Variants in SLC6A6 observed in about 807,000 individuals in gnomAD.
SLC6A6 encodes the protein solute carrier family 6 member 6.
SLC6A6 carries 16 observed loss-of-function variants against 68.8 expected under a neutral mutation model. That is an observed-to-expected ratio of 0.23 (90% CI 0.16 to 0.35). The LOEUF (loss-of-function observed/expected upper bound fraction) is 0.35. Among genes scored for constraint, SLC6A6 ranks in the 10% least tolerant of loss-of-function variants. The pLI, the probability that SLC6A6 is intolerant of heterozygous loss-of-function variation, is 1.00. For missense variants in SLC6A6, 474 were observed against 802.8 expected (o/e 0.59, Z 4.95); for synonymous variants, 312 against 315.4 (o/e 0.99, Z 0.12).
chr3:14,474,427 A>T (rs1700826502), intron 10 of SLC6A6, among the ~76,000 whole-genome samples: 1 of 152,210 alleles, frequency 6.6e-6, no homozygotes, highest in Non-Finnish European at 1.5e-5. Context: ...CAGTGGCATT[A>T]GTACCTTCAG....
At chr3:14,421,354 G>A (rs769910482) in intron 2 of SLC6A6, among the ~76,000 whole-genome samples, 57 of 152,148 alleles carry the variant, frequency 3.7e-4, no homozygotes, top group Non-Finnish European at 6.3e-4. Flanking sequence ...GCCTGAGTGT[G>A]AATGTCATTC....
At position 14,443,586 on chromosome 3, in the gene SLC6A6, T is replaced by C. The variant is rs1462995736; in HGVS notation, c.-11-38T>C. On this transcript the variant is annotated intron_variant, in intron 2 of 14. Transcript: ENST00000622186. ...GTGTCTGAGACATACAGGTGGTCCC[T>C]CATCAGCTGCAGGATGCTTCTCTTT... is the stretch of plus-strand genomic sequence containing the variant. 4 of 1,369,458 alleles carry C rather than the reference T, an allele frequency of 2.9e-6. No individual in the cohort carries two copies. The Admixed American group carries it at 7.1e-5, about 24-fold the overall frequency. 84.8% of individuals were successfully genotyped at this position (1,369,458 alleles called of 1,614,324 possible).
intron 5 of SLC6A6, among the ~76,000 whole-genome samples, chr3:14,453,908 G>A (rs1267365699): frequency 6.6e-6 from 1 of 152,206 alleles, no homozygotes; most frequent in Non-Finnish European, 1.5e-5. Context: ...CCTGTTCAGG[G>A]AATGGCCCAG....
chr3:14,409,842 C>T (rs529564844), intron 1 of SLC6A6, among the ~76,000 whole-genome samples: 7 of 152,224 alleles, frequency 4.6e-5, no homozygotes, highest in South Asian at 4.2e-4. Flanking sequence ...TGGATGAGGA[C>T]GCTGAGGCCC....
intron 5 of SLC6A6, among the ~76,000 whole-genome samples, chr3:14,456,058 A>G (rs990168386): frequency 1.3e-5 from 2 of 152,234 alleles, no homozygotes; most frequent in Non-Finnish European, 2.9e-5. Context: ...TTGGGGTGGC[A>G]GCTCTGTGTC....
rs1700772558 is a variant in SLC6A6 at position 14,472,406 on chromosome 3, A to AC, written c.1209+94dup. 1.0e-5 allele frequency: 8 copies of AC among 795,248 alleles called. No homozygotes were observed. The highest frequency in any genetic ancestry group is 1.3e-5 in the Non-Finnish European group (6 of 458,158). The allele number at this position is 795,248 out of a possible 1,614,324, so 49.3% of individuals were successfully genotyped here. A position where few individuals can be genotyped will look rare whatever the true frequency, so the allele number is the denominator to read the frequency against. On this transcript the variant is annotated intron_variant, in intron 10 of 14. Transcript: ENST00000622186. This position sits in a 1 kb window ranked among gnomAD's most constrained non-coding sequence, Gnocchi z 4.5. Reference sequence around the variant, plus strand: ...CCTTATTCCACCTGGGAGGTGGTCAACCCCCTTCCCCCCTCCAGTCAGACT... The same window carrying AC: ...CCTTATTCCACCTGGGAGGTGGTCAACCCCCCTTCCCCCCTCCAGTCAGACT...
chr3:14,424,473 G>A (rs1332163357), intron 2 of SLC6A6, among the ~76,000 whole-genome samples: 4 of 152,128 alleles, frequency 2.6e-5, no homozygotes, highest in African/African-American at 9.7e-5. Context: ...GGTAGAGAGT[G>A]GAAGCCTGTA....
intron 9 of SLC6A6, among the ~76,000 whole-genome samples, chr3:14,469,493 G>A (rs566806079): frequency 4.4e-4 from 67 of 152,296 alleles, no homozygotes; most frequent in African/African-American, 9.9e-4. Flanking sequence ...CCTCAGCATC[G>A]CGTGTCCAGA....
chr3:14,406,650 C>G (rs184787653), intron 1 of SLC6A6, among the ~76,000 whole-genome samples: 84 of 152,284 alleles, frequency 5.5e-4, no homozygotes, highest in Admixed American at 2.4e-3. Flanking sequence ...CAGTCCTGGA[C>G]AGGTCTGCGG....
rs1196784076 is a variant in SLC6A6 at position 14,472,496 on chromosome 3, G to C, written c.1209+179G>C. 6.6e-6 allele frequency among the ~76,000 whole-genome samples: 1 copy of C among 152,190 alleles called. No individual in the cohort carries two copies. The highest frequency in any genetic ancestry group is 1.9e-4 in the East Asian group (1 of 5,186). ...GAATAGAAAAAGCTCTGCGTCCCCAGAAAGTGCATTTGAACAAGATAATTA... is the reference window on the plus strand; with the variant it reads ...GAATAGAAAAAGCTCTGCGTCCCCACAAAGTGCATTTGAACAAGATAATTA... On this transcript the variant is annotated intron_variant, in intron 10 of 14. Transcript: ENST00000622186. The surrounding 1 kb of genome is among the most constrained non-coding windows in gnomAD (Gnocchi z 4.5).
Position 14,467,845 on chromosome 3 carries a change from C to A in SLC6A6, c.868-8C>A. The A allele has an allele frequency of 6.3e-7, 1 of 1,587,082 alleles. No homozygotes were observed. The highest frequency in any genetic ancestry group is 8.6e-7 in the Non-Finnish European group (1 of 1,158,784). Reference sequence around the variant, plus strand: ...TCTCTTTCCTTGCCACCTCCCTCCCCCTCATAGGTGTGGATTGACGCTGGG... The same window carrying A: ...TCTCTTTCCTTGCCACCTCCCTCCCACTCATAGGTGTGGATTGACGCTGGG... On this transcript the variant is annotated splice_polypyrimidine_tract_variant and splice_region_variant and intron_variant, in intron 7 of 14. Transcript: ENST00000622186.
chr3:14,431,698 G>A (rs1008785244), intron 2 of SLC6A6, among the ~76,000 whole-genome samples: 5 of 152,140 alleles, frequency 3.3e-5, no homozygotes, highest in Admixed American at 6.5e-5. Context: ...ACCGGTGACC[G>A]ACAGTGCTAG....
chr3:14,414,806 G>A (rs1699328673), intron 1 of SLC6A6, among the ~76,000 whole-genome samples: 1 of 152,242 alleles, frequency 6.6e-6, no homozygotes, highest in Non-Finnish European at 1.5e-5. Flanking sequence ...TGGGATTGCA[G>A]ACATGAGCAC....
chr3:14,439,540 G>T lies in SLC6A6; in HGVS notation c.-11-4084G>T, dbSNP rs57878617. On this transcript the variant is annotated intron_variant, in intron 2 of 14. Coordinates refer to ENST00000622186, the MANE Select transcript of SLC6A6 (RefSeq NM_003043.6). The stretch of plus-strand genomic sequence containing the variant: ...AATGTTTAGCTGGGCACAGGGAGAG[G>T]CTTCATCCCATAGCCTCTGTATCAG... Among the ~76,000 whole-genome samples, 1,195 of 152,340 alleles carry T rather than the reference G, an allele frequency of 7.8e-3. 23 individuals are homozygous for T. The highest frequency in any genetic ancestry group is 0.027 in the African/African-American group (1,126 of 41,564).
Position 14,477,797 on chromosome 3 carries a change from T to C in SLC6A6, c.1347+455T>C, listed in dbSNP as rs536132692. 3.3e-5 allele frequency among the ~76,000 whole-genome samples: 5 copies of C among 152,048 alleles called. No individual in the cohort carries two copies. The South Asian group carries it at 1.0e-3, about 32-fold the overall frequency. On this transcript the variant is annotated intron_variant, in intron 11 of 14. Coordinates refer to ENST00000622186, the MANE Select transcript of SLC6A6 (RefSeq NM_003043.6). The surrounding 1 kb of genome is among the most constrained non-coding windows in gnomAD (Gnocchi z 4.2). ...CCGAGTCCTGGTGGGTATGGGTTGA[T>C]AGGGGGCACATACACTATTCAGAGG...
intron 2 of SLC6A6, among the ~76,000 whole-genome samples, chr3:14,423,402 C>T (rs538736970): frequency 2.0e-5 from 3 of 152,186 alleles, no homozygotes; most frequent in Non-Finnish European, 4.4e-5. Context: ...ATACACCAGG[C>T]ACAGTGCAGT....
intron 2 of SLC6A6, among the ~76,000 whole-genome samples, chr3:14,440,155 A>G (rs1029904409): frequency 1.3e-5 from 2 of 151,758 alleles, no homozygotes; most frequent in Admixed American, 1.3e-4. Flanking sequence ...CCCTCACAAC[A>G]CTCCCACAGG....
At chr3:14,408,150 A>G (rs1206785847) in intron 1 of SLC6A6, among the ~76,000 whole-genome samples, 1 of 152,200 alleles carries the variant, frequency 6.6e-6, no homozygotes, top group Non-Finnish European at 1.5e-5. Flanking sequence ...GCTGGGTTAT[A>G]AGGTAGTAGA....
chr3:14,447,652 C>G lies in SLC6A6; in HGVS notation c.435C>G (p.Ala145=). 3 of 1,614,258 alleles carry G rather than the reference C, an allele frequency of 1.9e-6. No homozygotes were observed. Among genetic ancestry groups the G allele is most frequent in the Non-Finnish European group, 2.5e-6 (3 of 1,180,046 alleles). ...ACTACATCGTCATCCTGGCCTGGGCCACATACTACCTGTTCCAGTCCTTCC... is the reference window on the plus strand; with the variant it reads ...ACTACATCGTCATCCTGGCCTGGGCGACATACTACCTGTTCCAGTCCTTCC... ...NVYYIVILAW[A]TYYLFQSFQK... The change falls in exon 5 of 15, where the codon GCC becomes GCG. Residue 145 remains alanine, a synonymous_variant. Transcript: ENST00000622186.
Sources: allele counts gnomAD v4.1 joint callset (sites outside exome capture counted in the v4.1 genomes callset), GRCh38; gene constraint gnomAD v4.1.1; non-coding constraint Gnocchi (gnomAD v3.1); transcripts MANE v1.5; gene names NCBI Gene and HGNC (gene_info 2026-07-23, HGNC 2026-07-21).